The following CCSER1 variants were observed in gnomAD, a reference collection of about 807,000 sequenced individuals.
CCSER1 encodes the protein serine-rich coiled-coil domain-containing protein 1.
Under a neutral mutation model 82.0 loss-of-function variants are expected in CCSER1, and 41 were observed. The observed-to-expected ratio is 0.50, with a 90% CI of 0.39 to 0.65. The LOEUF (loss-of-function observed/expected upper bound fraction) is 0.65, where lower values mean the gene tolerates loss of function less well. CCSER1 is among the 30% of genes least tolerant of loss of function. CCSER1 has a pLI of 0.00. For synonymous variants in CCSER1, 414 were observed against 383.9 expected, an observed-to-expected ratio of 1.08 and a Z score of -0.92; for missense variants, 1,119 against 1,064.2, an observed-to-expected ratio of 1.05 and a Z score of -0.72.
At chr4:91,262,193 C>A (rs1237419595) in intron 10 of CCSER1, among the ~76,000 whole-genome samples, 1 of 149,538 alleles carries the variant, frequency 6.7e-6, no homozygotes, top group Non-Finnish European at 1.5e-5. Flanking sequence ...CAGGTTGTGG[C>A]TCTGAAACCT....
At chr4:90,278,983 C>G (rs1474386068) in intron 1 of CCSER1, among the ~76,000 whole-genome samples, 2 of 152,026 alleles carry the variant, frequency 1.3e-5, no homozygotes, top group African/African-American at 2.4e-5. Context: ...TGGGAAAGTC[C>G]AGGTTATGGT....
intron 4 of CCSER1, among the ~76,000 whole-genome samples, chr4:90,411,669 T>C (rs560883248): frequency 6.6e-6 from 1 of 152,240 alleles, no homozygotes; most frequent in Non-Finnish European, 1.5e-5. Flanking sequence ...AATATCATAC[T>C]GAATGGACAA....
rs1474300600 is a variant in CCSER1 at position 90,527,677 on chromosome 4, A to G, written c.1724+59323A>G. 3.3e-5 allele frequency among the ~76,000 whole-genome samples: 5 copies of G among 152,274 alleles called. No homozygotes were observed. In the South Asian group the frequency reaches 6.2e-4, roughly 19 times the overall value. ...AAATTACAATTAGACTGGTGAATAT[A>G]GTTTCCAGAAAGTATATAATTTAAA... is the stretch of plus-strand genomic sequence containing the variant. On this transcript the variant is annotated intron_variant, in intron 5 of 10. Coordinates refer to ENST00000509176, the MANE Select transcript of CCSER1 (RefSeq NM_001145065.2).
intron 5 of CCSER1, among the ~76,000 whole-genome samples, chr4:90,521,050 A>G (rs1224198069): frequency 6.6e-6 from 1 of 152,218 alleles, no homozygotes; most frequent in Non-Finnish European, 1.5e-5. Flanking sequence ...TAAAAAATCT[A>G]ATACGCATTC....
rs190312797 is a variant in CCSER1 at position 90,291,213 on chromosome 4, G to A, written c.-41-17031G>A. Among the ~76,000 whole-genome samples the A allele has an allele frequency of 6.3e-3, 964 of 152,086 alleles. 9 individuals carry two copies. The highest frequency in any genetic ancestry group is 0.023 in the African/African-American group (935 of 41,524). On this transcript the variant is annotated intron_variant, in intron 1 of 10. Coordinates refer to ENST00000509176, the MANE Select transcript of CCSER1 (RefSeq NM_001145065.2). Reference sequence around the variant, plus strand: ...TGGATTAGATTTAATTCTATTATCAGGAATACTGTGTTCTATAAATGTTAG... The same window carrying A: ...TGGATTAGATTTAATTCTATTATCAAGAATACTGTGTTCTATAAATGTTAG...
intron 10 of CCSER1, among the ~76,000 whole-genome samples, chr4:91,255,739 A>G (rs558396969): frequency 1.3e-4 from 20 of 152,340 alleles, no homozygotes; most frequent in African/African-American, 4.6e-4. Flanking sequence ...ATCTCTGAAC[A>G]TAAATTGTGA....
chr4:91,147,535 T>C (rs777518548), intron 10 of CCSER1, among the ~76,000 whole-genome samples: 24 of 152,202 alleles, frequency 1.6e-4, no homozygotes, highest in Non-Finnish European at 2.9e-4. Context: ...GTCAGTTTTC[T>C]GATAGTGGGG....
chr4:90,315,264 A>G (rs1359667440), intron 3 of CCSER1, among the ~76,000 whole-genome samples: 2 of 152,174 alleles, frequency 1.3e-5, no homozygotes, highest in Non-Finnish European at 2.9e-5. Flanking sequence ...TGTCCACTAG[A>G]TGGCAGAAAG....
intron 10 of CCSER1, among the ~76,000 whole-genome samples, chr4:91,460,256 G>A (rs1756430940): frequency 6.6e-6 from 1 of 152,124 alleles, no homozygotes; most frequent in Non-Finnish European, 1.5e-5. Flanking sequence ...GGATGGGTTA[G>A]GGTACTGCTC....
intron 10 of CCSER1, among the ~76,000 whole-genome samples, chr4:91,278,636 T>G (rs1742661277): frequency 6.6e-6 from 1 of 152,124 alleles, no homozygotes; most frequent in Non-Finnish European, 1.5e-5. Context: ...GTTTTTGCCT[T>G]TAGCCAGTCT....
intron 3 of CCSER1, among the ~76,000 whole-genome samples, chr4:90,391,964 A>G (rs912586895): frequency 6.6e-6 from 1 of 152,096 alleles, no homozygotes; most frequent in Non-Finnish European, 1.5e-5. Context: ...TGACTATTTT[A>G]TAAAGAATAT....
intron 1 of CCSER1, among the ~76,000 whole-genome samples, chr4:90,219,072 C>G (rs1741644895): frequency 6.6e-6 from 1 of 152,090 alleles, no homozygotes; most frequent in Non-Finnish European, 1.5e-5. Context: ...AAGGCTAATT[C>G]TGGCTTCAGG....
intron 1 of CCSER1, among the ~76,000 whole-genome samples, chr4:90,204,201 TC>T (rs1230973249): frequency 6.6e-6 from 1 of 152,248 alleles, no homozygotes; most frequent in Non-Finnish European, 1.5e-5. Flanking sequence ...TTTAATTAGA[TC>T]CCATTTGTCA....
chr4:91,062,596 C>G (rs528475808), intron 9 of CCSER1, among the ~76,000 whole-genome samples: 4 of 152,030 alleles, frequency 2.6e-5, no homozygotes, highest in Non-Finnish European at 5.9e-5. Context: ...AAACACTTTC[C>G]CCTTCTCTTG....
intron 3 of CCSER1, among the ~76,000 whole-genome samples, chr4:90,389,075 TACA>T (rs1750554742): frequency 6.6e-6 from 1 of 152,206 alleles, no homozygotes. Context: ...TTTTAAGAAC[TACA>T]ACGATTTTTA....
At chr4:91,025,717 C>G (rs1740431196) in intron 9 of CCSER1, among the ~76,000 whole-genome samples, 1 of 152,100 alleles carries the variant, frequency 6.6e-6, no homozygotes, top group Non-Finnish European at 1.5e-5. Flanking sequence ...GGGAGAAATC[C>G]TTTCTCTGTG....
intron 1 of CCSER1, among the ~76,000 whole-genome samples, chr4:90,147,109 GT>G (rs1725950389): frequency 6.8e-6 from 1 of 146,786 alleles, no homozygotes; most frequent in Non-Finnish European, 1.5e-5. Context: ...TTAATACTTT[GT>G]TTAATAACTT....
At chr4:90,210,993 A>G (rs909225407) in intron 1 of CCSER1, among the ~76,000 whole-genome samples, 2 of 152,188 alleles carry the variant, frequency 1.3e-5, no homozygotes, top group Admixed American at 1.3e-4. Context: ...TCTTGAGTGT[A>G]TTCTCAGACT....
chr4:91,258,286 A>T (rs1258359466), intron 10 of CCSER1, among the ~76,000 whole-genome samples: 1 of 152,106 alleles, frequency 6.6e-6, no homozygotes, highest in Admixed American at 6.5e-5. Context: ...ACCCTTTTAA[A>T]AACTGGATGG....
Sources: gnomAD v4.1 joint callset for allele counts (sites outside exome capture counted in the v4.1 genomes callset) on GRCh38, gnomAD v4.1.1 for gene constraint, MANE v1.5 for transcripts, NCBI Gene and HGNC (gene_info 2026-07-23, HGNC 2026-07-21) for gene names.